TAP1: variants seen among roughly 807,000 people sequenced by gnomAD.
TAP1 encodes transporter 1, ATP binding cassette subfamily B member, also known as antigen peptide transporter 1.
TAP1 carries 56 observed loss-of-function variants against 79.3 expected under a neutral mutation model. The observed-to-expected ratio is 0.71, with a 90% CI of 0.57 to 0.88. The LOEUF (loss-of-function observed/expected upper bound fraction) is 0.88, where lower values mean the gene tolerates loss of function less well. TAP1 is among the 40% of genes least tolerant of loss of function. The pLI is 0.00. For synonymous variants in TAP1, 355 were observed against 401.4 expected (o/e 0.88, Z 1.38); for missense variants, 737 against 936.3 (o/e 0.79, Z 2.78).
rs1770469027 is a variant in TAP1 at position 32,847,073 on chromosome 6, A to T, written c.2035T>A (p.Leu679Ile). 1 of 1,612,744 alleles carries T rather than the reference A, an allele frequency of 6.2e-7. No individual in the cohort carries two copies. The highest frequency in any genetic ancestry group is 8.5e-7 in the Non-Finnish European group (1 of 1,180,040). Residue 679 changes from leucine to isoleucine, a missense_variant, in exon 10 of 11, where the codon TTA becomes ATA. Coordinates refer to ENST00000354258, the MANE Select transcript of TAP1 (RefSeq NM_000593.6). This position sits in a 1 kb window ranked among gnomAD's most constrained non-coding sequence, Gnocchi z 4.7. The part of the protein sequence containing the change: ...ATSALDANSQ[L>I]QVEQLLYESP... ...TAAGAAGATGACTGCCTCACCTGTA[A>T]CTGGCTGTTTGCATCCAGGGCACTG...
Position 32,847,330 on chromosome 6 carries a change from G to A in TAP1, c.1904-126C>T. On this transcript the variant is annotated intron_variant, in intron 9 of 10. Coordinates refer to ENST00000354258, the MANE Select transcript of TAP1 (RefSeq NM_000593.6). The surrounding 1 kb of genome is among the most constrained non-coding windows in gnomAD (Gnocchi z 4.7). ...AAGATCTGACGGTTGTAGCTGGATAGGGGAGATTCTGGGAAGATGAACAGA... is the reference window on the plus strand; with the variant it reads ...AAGATCTGACGGTTGTAGCTGGATAAGGGAGATTCTGGGAAGATGAACAGA... 5 of 1,518,830 alleles carry A rather than the reference G, an allele frequency of 3.3e-6. No individual in the cohort carries two copies. Among genetic ancestry groups the A allele is most frequent in the Non-Finnish European group, 3.6e-6 (4 of 1,109,308 alleles). The allele number at this position is 1,518,830 out of a possible 1,614,324, so 94.1% of individuals were successfully genotyped here. A position where few individuals can be genotyped will look rare whatever the true frequency, so the allele number is the denominator to read the frequency against.
rs1770701553 is a variant in TAP1, at chr6:32,850,261, G to A, written c.1248+59C>T. ...GAGTGGGAGCAGGGTCATAGGAATG[G>A]GAATGGAGTCACGGCATCTTAAGGA... On this transcript the variant is annotated intron_variant, in intron 5 of 10. Coordinates refer to ENST00000354258, the MANE Select transcript of TAP1 (RefSeq NM_000593.6). This position sits in a 1 kb window ranked among gnomAD's most constrained non-coding sequence, Gnocchi z 5.5. The A allele has an allele frequency of 1.3e-6, 2 of 1,561,738 alleles. No individual in the cohort carries two copies. Among genetic ancestry groups the A allele is most frequent in the Non-Finnish European group, 1.8e-6 (2 of 1,132,446 alleles).
intron 5 of TAP1, 145 bp from the exon 6 acceptor site, chr6:32,849,263 C>T (rs1309385309): frequency 1.1e-6 from 1 of 939,648 alleles, no homozygotes; most frequent in Non-Finnish European, 1.6e-6. Flanking sequence ...GGAGAATGAA[C>T]CAGAGACCCC....
In TAP1 at chr6:32,847,176, T is replaced by C. The variant is rs758999805; in HGVS notation, c.1932A>G (p.Ser644=). 1 of 1,612,524 alleles carries C rather than the reference T, an allele frequency of 6.2e-7. No homozygotes were observed. Among genetic ancestry groups the C allele is most frequent in the Admixed American group, 1.7e-5 (1 of 60,026 alleles). The change falls in exon 10 of 11, where the codon TCA becomes TCG. Residue 644 remains serine (S), a synonymous_variant. Transcript: ENST00000354258. The surrounding 1 kb of genome is among the most constrained non-coding windows in gnomAD (Gnocchi z 4.7). ...ACGCCACTGCCTGTCGCTGACCCCC[T>C]GACAGCTGGCTCCCAGCCTCGTCTA... ...TEVDEAGSQL[S]GGQRQAVALA...
At position 32,850,810 on chromosome 6, in the gene TAP1, C is replaced by A; in HGVS notation, c.1050+134G>T. 2.2e-6 allele frequency: 2 copies of A among 893,910 alleles called. No homozygotes were observed. Among genetic ancestry groups the A allele is most frequent in the Non-Finnish European group, 3.7e-6 (2 of 538,300 alleles). 55.4% of individuals were successfully genotyped at this position (893,910 alleles called of 1,614,324 possible). ...AACCTGGGAACATGGACCACAGGGACAGGGTGTTCCATGAAGATGGAGAAT... is the reference window on the plus strand; with the variant it reads ...AACCTGGGAACATGGACCACAGGGAAAGGGTGTTCCATGAAGATGGAGAAT... On this transcript the variant is annotated intron_variant, in intron 4 of 10. Transcript: ENST00000354258. The surrounding 1 kb of genome is among the most constrained non-coding windows in gnomAD (Gnocchi z 5.5).
rs571602342 is a variant in TAP1, at chr6:32,847,227, G to T, written c.1904-23C>A. The T allele has an allele frequency of 1.2e-6, 2 of 1,609,866 alleles. No homozygotes were observed. On this transcript the variant is annotated intron_variant, in intron 9 of 10. Transcript: ENST00000354258. This position sits in a 1 kb window ranked among gnomAD's most constrained non-coding sequence, Gnocchi z 4.7. ...CCTCTGCAGAGCAAAGGGCCAAGATGAGAACGGTATAGCCACATGTGTGCA... is the reference window on the plus strand; with the variant it reads ...CCTCTGCAGAGCAAAGGGCCAAGATTAGAACGGTATAGCCACATGTGTGCA...
At chr6:32,848,911 A>G (rs1770610917) in intron 6 of TAP1, 71 bp from the exon 7 acceptor site, 1 of 1,612,682 alleles carries the variant, frequency 6.2e-7, no homozygotes, top group Admixed American at 1.7e-5. Context: ...AGAAGGGTAA[A>G]GAATGGAAGG....
intron 7 of TAP1, 27 bp from the exon 8 acceptor site, chr6:32,848,119 G>A: frequency 6.4e-7 from 1 of 1,571,744 alleles, no homozygotes; most frequent in Non-Finnish European, 8.6e-7. Flanking sequence ...CACACGATAA[G>A]AGGCTACCAA....
In TAP1 at chr6:32,851,201, T is replaced by G; in HGVS notation, c.845-52A>C. The G allele has an allele frequency of 1.9e-6, 3 of 1,567,768 alleles. No homozygotes were observed. The highest frequency in any genetic ancestry group is 2.6e-6 in the Non-Finnish European group (3 of 1,144,394). The stretch of plus-strand genomic sequence containing the variant: ...GGTGAATCAGACAGGTTCCAAGTGA[T>G]GAGACGAACTAACAATGAGCCAGGA... On this transcript the variant is annotated intron_variant, in intron 3 of 10. Coordinates refer to ENST00000354258, the MANE Select transcript of TAP1 (RefSeq NM_000593.6). The surrounding 1 kb of genome is among the most constrained non-coding windows in gnomAD (Gnocchi z 4.8).
intron 10 of TAP1, 97 bp downstream of exon 10, chr6:32,846,971 T>C: frequency 6.4e-7 from 1 of 1,574,002 alleles, no homozygotes; most frequent in Non-Finnish European, 8.6e-7. Flanking sequence ...CTGCAAGGAC[T>C]GGTTTGTATA....
Position 32,847,844 on chromosome 6 carries a change from C to A in TAP1, c.1740+75G>T. ...GGTCTCTTATCATTCCCTAACCCCT[C>A]TTTCAGAGTGCTCAGTAAGAATGCT... On this transcript the variant is annotated intron_variant, in intron 8 of 10. Coordinates refer to ENST00000354258, the MANE Select transcript of TAP1 (RefSeq NM_000593.6). This position sits in a 1 kb window ranked among gnomAD's most constrained non-coding sequence, Gnocchi z 4.7. 6.2e-7 allele frequency: 1 copy of A among 1,606,992 alleles called. No homozygotes were observed. Among genetic ancestry groups the A allele is most frequent in the Admixed American group, 1.7e-5 (1 of 60,020 alleles).
chr6:32,852,196 T>C lies in TAP1; in HGVS notation c.757A>G (p.Met253Val), dbSNP rs749166119. 6.8e-6 allele frequency: 11 copies of C among 1,612,720 alleles called. No individual in the cohort carries two copies. The African/African-American group carries it at 1.1e-4, about 16-fold the overall frequency. Residue 253 changes from methionine (M) to valine (V), a missense_variant, in exon 3 of 11, where the codon ATG becomes GTG. Coordinates refer to ENST00000354258, the MANE Select transcript of TAP1 (RefSeq NM_000593.6). The surrounding 1 kb of genome is among the most constrained non-coding windows in gnomAD (Gnocchi z 4.8). ...TGCAAGTGGCTGTGCACGTGGCCCA[T>C]GGTGTTGTTATAGATCCCGTCACCC... ...FVGDGIYNNT[M>V]GHVHSHLQGE...
chr6:32,850,849 A>T lies in TAP1; in HGVS notation c.1050+95T>A. ...AAGATGGAGAATCAGTAAGGGTGCC[A>T]GGAAAGCTGGACTGAAAGCAATGTG... is the stretch of plus-strand genomic sequence containing the variant. On this transcript the variant is annotated intron_variant, in intron 4 of 10. Coordinates refer to ENST00000354258, the MANE Select transcript of TAP1 (RefSeq NM_000593.6). This position sits in a 1 kb window ranked among gnomAD's most constrained non-coding sequence, Gnocchi z 5.5. The T allele has an allele frequency of 8.5e-7, 1 of 1,178,942 alleles. No individual in the cohort carries two copies. Among genetic ancestry groups the T allele is most frequent in the Non-Finnish European group, 1.3e-6 (1 of 786,376 alleles). The allele number at this position is 1,178,942 out of a possible 1,614,324, so 73.0% of individuals were successfully genotyped here.
Position 32,847,287 on chromosome 6 carries a change from C to G in TAP1, c.1904-83G>C. On this transcript the variant is annotated intron_variant, in intron 9 of 10. Coordinates refer to ENST00000354258, the MANE Select transcript of TAP1 (RefSeq NM_000593.6). This position sits in a 1 kb window ranked among gnomAD's most constrained non-coding sequence, Gnocchi z 4.7. ...ATGCACACAGACACACTCATGCATT[C>G]ACGCACTCACACACACCAAGATCTG... 6.3e-7 allele frequency: 1 copy of G among 1,578,294 alleles called. No homozygotes were observed. Among genetic ancestry groups the G allele is most frequent in the South Asian group, 1.1e-5 (1 of 89,298 alleles).
chr6:32,848,620 G>A (rs1381508645), intron 7 of TAP1, 32 bp downstream of exon 7: 6 of 1,610,834 alleles, frequency 3.7e-6, no homozygotes, highest in Non-Finnish European at 5.1e-6. Flanking sequence ...TGCAGTTGGG[G>A]CCAGTGGAAT....
Position 32,853,028 on chromosome 6 carries a change from G to A in TAP1, c.598+11C>T. 1 of 1,610,208 alleles carries A rather than the reference G, an allele frequency of 6.2e-7. No individual in the cohort carries two copies. Among genetic ancestry groups the A allele is most frequent in the Non-Finnish European group, 8.5e-7 (1 of 1,179,826 alleles). On this transcript the variant is annotated intron_variant, in intron 1 of 10. Coordinates refer to ENST00000354258, the MANE Select transcript of TAP1 (RefSeq NM_000593.6). The surrounding 1 kb of genome is among the most constrained non-coding windows in gnomAD (Gnocchi z 8.3). ...CTTGTGTCCTCCCCTCTTGCCCTGC[G>A]TTCCCCTTACCAAGAGAGGAGAGGA...
rs752253839 is a variant in TAP1 at position 32,847,091 on chromosome 6, G to T, written c.2017C>A (p.Leu673Met). Residue 673 changes from leucine to methionine, a missense_variant, in exon 10 of 11, where the codon CTG (leucine) becomes ATG (methionine). Physicochemically the swap from Leu to Met is conservative, Grantham distance 15. Around this residue, in one of 5 missense-constraint regions of TAP1, gnomAD observed 266 missense variants for 332.4 expected, o/e 0.80. Coordinates refer to ENST00000354258, the MANE Select transcript of TAP1 (RefSeq NM_000593.6). The surrounding 1 kb of genome is among the most constrained non-coding windows in gnomAD (Gnocchi z 4.7). Reference protein sequence around the residue: ...VLILDDATSALDANSQLQVEQ... With the variant: ...VLILDDATSAMDANSQLQVEQ... ...ACCTGTAACTGGCTGTTTGCATCCAGGGCACTGGTGGCATCATCCAGGATA... is the reference window on the plus strand; with the variant it reads ...ACCTGTAACTGGCTGTTTGCATCCATGGCACTGGTGGCATCATCCAGGATA... The T allele has an allele frequency of 1.4e-5, 22 of 1,612,764 alleles. No homozygotes were observed. In the South Asian group the frequency reaches 2.4e-4, roughly 18 times the overall value.
rs773802242 is a variant in TAP1, at chr6:32,853,516, G to A, written c.121C>T (p.Pro41Ser). Residue 41 changes from proline (P) to serine (S), a missense_variant, in exon 1 of 11, where the codon CCC (proline) becomes TCC (serine). By Grantham distance (74) the Pro-to-Ser change is moderately conservative. Transcript: ENST00000354258. This position sits in a 1 kb window ranked among gnomAD's most constrained non-coding sequence, Gnocchi z 8.3. ...GGCACCAGCAGGGAGAATATGCGGG[G>A]CAGCGCGGTCCGGAGCAGCACCCAG... ...ADWVLLRTALPRIFSLLVPTA... is the reference protein window; with the variant it reads ...ADWVLLRTALSRIFSLLVPTA... 2 of 1,609,632 alleles carry A rather than the reference G, an allele frequency of 1.2e-6. No individual in the cohort carries two copies. The highest frequency in any genetic ancestry group is 1.3e-5 in the African/African-American group (1 of 74,840).
Position 32,850,465 on chromosome 6 carries a change from A to T in TAP1, c.1103T>A (p.Ile368Asn). 1 of 1,614,122 alleles carries T rather than the reference A, an allele frequency of 6.2e-7. No individual in the cohort carries two copies. The highest frequency in any genetic ancestry group is 8.5e-7 in the Non-Finnish European group (1 of 1,180,028). ...TGTAGGCATGGCCGACAGAGCCTCA[A>T]TGGCCACCTGGCTGGACTTTGCCAG... ...ESLAKSSQVA[I>N]EALSAMPTVR... Residue 368 changes from isoleucine to asparagine, a missense_variant, in exon 5 of 11, where the codon ATT becomes AAT. Around this residue, in one of 5 missense-constraint regions of TAP1, gnomAD observed 406 missense variants for 477.2 expected, o/e 0.85. Coordinates refer to ENST00000354258, the MANE Select transcript of TAP1 (RefSeq NM_000593.6). This position sits in a 1 kb window ranked among gnomAD's most constrained non-coding sequence, Gnocchi z 5.5.
Sources: allele counts gnomAD v4.1 joint callset, GRCh38; gene constraint gnomAD v4.1.1; regional missense constraint gnomAD v4.1.1; non-coding constraint Gnocchi (gnomAD v3.1); transcripts MANE v1.5; gene names NCBI Gene and HGNC (gene_info 2026-07-23, HGNC 2026-07-21).